The following SLC26A7 variants were observed in gnomAD, a reference collection of about 807,000 sequenced individuals.
The protein encoded by SLC26A7 is anion exchange transporter.
Under a neutral mutation model 82.5 loss-of-function variants are expected in SLC26A7, and 59 were observed. That is an observed-to-expected ratio of 0.72 (90% CI 0.58 to 0.89). The LOEUF is 0.89. SLC26A7 is among the 40% of genes least tolerant of loss of function. The pLI is 0.00. For synonymous variants in SLC26A7, 271 were observed against 274.3 expected (o/e 0.99, Z 0.12); for missense variants, 820 against 793.0 (o/e 1.03, Z -0.41).
Position 91,340,449 on chromosome 8 carries a change from G to C in SLC26A7, c.924G>C (p.Val308=), listed in dbSNP as rs756231644. The change falls in exon 8 of 19, where the codon GTG becomes GTC. Residue 308 remains valine, a synonymous_variant. Transcript: ENST00000276609. ...CCCCGATGAACATCCTCTCTGCGGT[G>C]ATCACTGAAGCTTTCGGAGTGGCAC... ...RAPPMNILSA[V]ITEAFGVALV... 6.2e-7 allele frequency: 1 copy of C among 1,613,966 alleles called. No homozygotes were observed. The highest frequency in any genetic ancestry group is 8.5e-7 in the Non-Finnish European group (1 of 1,179,936).
chr8:91,272,893 A>T (rs1374248668), intron 2 of SLC26A7, among the ~76,000 whole-genome samples: 1 of 152,226 alleles, frequency 6.6e-6, no homozygotes, highest in Non-Finnish European at 1.5e-5. Flanking sequence ...ACTAGTTAGG[A>T]GAAATTATCT....
intron 2 of SLC26A7, among the ~76,000 whole-genome samples, chr8:91,288,885 C>T (rs1236219321): frequency 2.6e-5 from 4 of 152,180 alleles, no homozygotes; most frequent in Non-Finnish European, 2.9e-5. Flanking sequence ...CTCTGAACCA[C>T]TGTTTTTTGT....
intron 4 of SLC26A7, among the ~76,000 whole-genome samples, chr8:91,317,913 G>A (rs1297240684): frequency 3.6e-5 from 5 of 140,602 alleles, no homozygotes; most frequent in African/African-American, 7.9e-5. Context: ...ACCTAATAAC[G>A]TTTTCTAGAA....
intron 9 of SLC26A7, chr8:91,348,456 A>C (rs566392696): frequency 1.1e-5 from 7 of 625,064 alleles, no homozygotes; most frequent in Admixed American, 6.3e-5. Context: ...AGAGCATATA[A>C]AATAATTGTT....
intron 12 of SLC26A7, among the ~76,000 whole-genome samples, chr8:91,363,017 A>C (rs1015582109): frequency 3.3e-5 from 5 of 152,068 alleles, no homozygotes; most frequent in Non-Finnish European, 7.4e-5. Flanking sequence ...CTTCACATCC[A>C]TCTTTCCCTT....
chr8:91,392,362 C>T (rs1808428678), intron 16 of SLC26A7, among the ~76,000 whole-genome samples: 1 of 152,034 alleles, frequency 6.6e-6, no homozygotes, highest in African/African-American at 2.4e-5. Flanking sequence ...TGTTTACTTG[C>T]TTTTCGGTAA....
intron 4 of SLC26A7, among the ~76,000 whole-genome samples, chr8:91,301,606 C>T (rs1326301458): frequency 1.3e-5 from 2 of 151,726 alleles, no homozygotes. Context: ...TTCCTTTGTT[C>T]TTGATCCAGG....
At chr8:91,234,791 C>CCCTACCTACCTA (rs68154003) in intron 2 of SLC26A7, among the ~76,000 whole-genome samples, 28 of 121,534 alleles carry the variant, frequency 2.3e-4, no homozygotes, top group South Asian at 9.8e-4. Context: ...TTCCCTCCCT[C>CCCTACCTACCTA]CCTACCTACC....
intron 11 of SLC26A7, among the ~76,000 whole-genome samples, chr8:91,357,644 A>C (rs1428120631): frequency 6.6e-6 from 1 of 152,204 alleles, no homozygotes; most frequent in Non-Finnish European, 1.5e-5. Context: ...TAGACCTAAA[A>C]CCATGAAAAC....
intron 6 of SLC26A7, among the ~76,000 whole-genome samples, chr8:91,337,143 G>A (rs1813265190): frequency 6.7e-6 from 1 of 149,736 alleles, no homozygotes; most frequent in African/African-American, 2.5e-5. Flanking sequence ...TGCTTTTTAA[G>A]CCTATTTGAT....
intron 2 of SLC26A7, among the ~76,000 whole-genome samples, chr8:91,230,277 G>T (rs1166357066): frequency 1.3e-5 from 2 of 152,082 alleles, no homozygotes; most frequent in Admixed American, 6.6e-5. Context: ...TAGAAACATT[G>T]GTTAGCTGCC....
chr8:91,293,403 A>C (rs926562740), intron 3 of SLC26A7, among the ~76,000 whole-genome samples: 1 of 152,238 alleles, frequency 6.6e-6, no homozygotes, highest in Admixed American at 6.5e-5. Flanking sequence ...ATAATATAGA[A>C]TGTCATCCAC....
intron 6 of SLC26A7, among the ~76,000 whole-genome samples, chr8:91,335,645 G>A (rs1418473997): frequency 2.6e-5 from 4 of 152,080 alleles, no homozygotes; most frequent in African/African-American, 9.7e-5. Flanking sequence ...AACCAGTTAC[G>A]ATTATTCTTA....
intron 5 of SLC26A7, among the ~76,000 whole-genome samples, chr8:91,333,984 A>C (rs990098758): frequency 5.3e-5 from 8 of 152,136 alleles, no homozygotes; most frequent in African/African-American, 1.7e-4. Flanking sequence ...TCTGCATATA[A>C]ATAATGAGTT....
intron 1 of SLC26A7, among the ~76,000 whole-genome samples, chr8:91,212,357 T>C (rs906197803): frequency 2.6e-5 from 4 of 152,130 alleles, no homozygotes; most frequent in Non-Finnish European, 5.9e-5. Flanking sequence ...CCAGATTCCT[T>C]TAAAGTTGAA....
intron 1 of SLC26A7, among the ~76,000 whole-genome samples, chr8:91,210,083 C>T (rs1008415109): frequency 1.2e-4 from 19 of 152,244 alleles, no homozygotes; most frequent in African/African-American, 3.9e-4. Flanking sequence ...GAACCAACAA[C>T]GACTTTGGTG....
exon 2 of SLC26A7, chr8:91,218,942 G>A (rs994315911): frequency 1.3e-6 from 2 of 1,550,830 alleles, no homozygotes; most frequent in African/African-American, 1.4e-5. Flanking sequence ...GTATTAATTT[G>A]TTCTTACAAA....
rs937395629 is a variant in SLC26A7 at position 91,340,700 on chromosome 8, A to T, written c.1026+149A>T. ...AACAAAAAAAAAGAAAAATATCAAA[A>T]TCATTCATAGGAAGCTAAAAACCTG... On this transcript the variant is annotated intron_variant, in intron 8 of 18. Transcript: ENST00000276609. 436 of 904,088 alleles carry T rather than the reference A, an allele frequency of 4.8e-4. 3 individuals are homozygous for T. The highest frequency in any genetic ancestry group is 1.1e-3 in the Middle Eastern group (5 of 4,364). The allele number at this position is 904,088 out of a possible 1,614,324, so 56.0% of individuals were successfully genotyped here.
At chr8:91,394,808 T>C in intron 18 of SLC26A7, 1 of 891,324 alleles carries the variant, frequency 1.1e-6, no homozygotes, top group East Asian at 3.3e-5. Context: ...GATATGATAA[T>C]TTAACCCATT....
Sources: gnomAD v4.1 joint callset for allele counts (sites outside exome capture counted in the v4.1 genomes callset) on GRCh38, gnomAD v4.1.1 for gene constraint, MANE v1.5 for transcripts, NCBI Gene and HGNC (gene_info 2026-07-23, HGNC 2026-07-21) for gene names.